The following CSMD1 variants were observed in gnomAD, a reference collection of about 807,000 sequenced individuals.
CSMD1 encodes the protein CUB and Sushi multiple domains 1, also known as CUB and sushi domain-containing protein 1.
A neutral mutation model predicts 417.5 loss-of-function variants in CSMD1; 213 were observed. That is an observed-to-expected ratio of 0.51 (90% CI 0.46 to 0.57). The LOEUF (loss-of-function observed/expected upper bound fraction) is 0.57, where lower values mean the gene tolerates loss of function less well. Among genes scored for constraint, CSMD1 ranks in the 20% least tolerant of loss-of-function variants. The pLI, the probability that CSMD1 is intolerant of heterozygous loss-of-function variation, is 0.00. For synonymous variants in CSMD1, 2,862 were observed against 1,736.8 expected (o/e 1.65, Z -16.11); for missense variants, 6,923 against 4,529.7 (o/e 1.53, Z -15.17).
chr8:3,374,923 T>A (rs1163539565), intron 18 of CSMD1, among the ~76,000 whole-genome samples: 2 of 152,126 alleles, frequency 1.3e-5, no homozygotes, highest in Non-Finnish European at 2.9e-5. Context: ...ACTCAGAAAT[T>A]GAATTCAACA....
chr8:3,406,140 G>A lies in CSMD1; in HGVS notation c.2153C>T (p.Ser718Leu), dbSNP rs752005533. The stretch of plus-strand genomic sequence containing the variant: ...GCCATCATCACAGTGGAAAGAAACC[G>A]AGCTCCCGAGTAGAAACCTGTCACC... ...RFGDRFLLGS[S>L]VSFHCDDGFV... The change falls in exon 15 of 70, where the codon TCG becomes TTG. Residue 718 changes from serine to leucine, a missense_variant. By Grantham distance (145) the Ser-to-Leu change is moderately radical. Coordinates refer to ENST00000635120, the MANE Select transcript of CSMD1 (RefSeq NM_033225.6). The A allele has an allele frequency of 3.7e-5, 59 of 1,613,606 alleles. No homozygotes were observed. The highest frequency in any genetic ancestry group is 1.6e-4 in the Middle Eastern group (1 of 6,084).
At chr8:4,920,978 G>GA (rs778057241) in intron 1 of CSMD1, among the ~76,000 whole-genome samples, 14 of 23,626 alleles carry the variant, frequency 5.9e-4, no homozygotes, top group Middle Eastern at 0.019. Context: ...AAGAAAGAAA[G>GA]AAACAAAGAA....
chr8:3,087,834 T>C (rs1814653559), intron 48 of CSMD1, among the ~76,000 whole-genome samples: 1 of 152,208 alleles, frequency 6.6e-6, no homozygotes, highest in African/African-American at 2.4e-5. Context: ...AGCACATCTG[T>C]CACCAGGATA....
At chr8:4,479,446 T>G (rs919977156) in intron 2 of CSMD1, among the ~76,000 whole-genome samples, 7 of 152,180 alleles carry the variant, frequency 4.6e-5, no homozygotes, top group Non-Finnish European at 1.0e-4. Context: ...AACAATATAT[T>G]TGGTGCAACT....
rs1490346336 is a variant in CSMD1, at chr8:3,014,474, C to G, written c.8029+4003G>C. 3.3e-5 allele frequency among the ~76,000 whole-genome samples: 5 copies of G among 152,118 alleles called. 1 individual carries two copies. Among genetic ancestry groups the G allele is most frequent in the Non-Finnish European group, 4.4e-5 (3 of 68,042 alleles). On this transcript the variant is annotated intron_variant, in intron 52 of 69. Transcript: ENST00000635120. ...GTTTCACTCTAGGATTCTTCCTTTC[C>G]ATAATATCTCACCAAGAACACTGCC...
At chr8:4,344,195 A>G (rs1800645956) in intron 3 of CSMD1, among the ~76,000 whole-genome samples, 1 of 152,096 alleles carries the variant, frequency 6.6e-6, no homozygotes, top group African/African-American at 2.4e-5. Flanking sequence ...TTTCTCTGTA[A>G]CCGTCTCCAT....
chr8:4,788,368 T>G lies in CSMD1; in HGVS notation c.86-150810A>C. 6 of 1,455,692 alleles carry G rather than the reference T, an allele frequency of 4.1e-6. No homozygotes were observed. In the South Asian group the frequency reaches 5.9e-5, roughly 14 times the overall value. 90.2% of individuals were successfully genotyped at this position (1,455,692 alleles called of 1,614,324 possible). ...TATCCAGTTATCACCTGTCCTCCCC[T>G]CACACCAGACTGGGGAGCTCAGGAT... On this transcript the variant is annotated intron_variant, in intron 1 of 69. Coordinates refer to ENST00000635120, the MANE Select transcript of CSMD1 (RefSeq NM_033225.6).
intron 3 of CSMD1, among the ~76,000 whole-genome samples, chr8:4,062,411 A>C (rs1017132610): frequency 4.6e-5 from 7 of 152,160 alleles, no homozygotes; most frequent in Admixed American, 3.9e-4. Flanking sequence ...AATCGGTTGT[A>C]CATACGTATT....
At chr8:3,159,292 A>C (rs910338870) in intron 38 of CSMD1, among the ~76,000 whole-genome samples, 1 of 152,178 alleles carries the variant, frequency 6.6e-6, no homozygotes, top group Admixed American at 6.5e-5. Context: ...TCTAGCTACA[A>C]GTTTTCTAAT....
chr8:4,083,157 A>G (rs1299167257), intron 3 of CSMD1, among the ~76,000 whole-genome samples: 1 of 152,068 alleles, frequency 6.6e-6, no homozygotes, highest in Admixed American at 6.6e-5. Context: ...GTCAAATGGT[A>G]TTTCTGGTTC....
chr8:4,254,507 A>T (rs1392347218), intron 3 of CSMD1, among the ~76,000 whole-genome samples: 8 of 152,168 alleles, frequency 5.3e-5, no homozygotes, highest in Non-Finnish European at 1.2e-4. Flanking sequence ...TTATACAAAT[A>T]AATTTCACGT....
At chr8:3,515,352 C>G (rs1257565100) in intron 10 of CSMD1, 1 of 152,180 alleles carries the variant, frequency 6.6e-6, no homozygotes, top group African/African-American at 2.4e-5. Context: ...CTACAGATCA[C>G]CACTGTGCAA....
intron 7 of CSMD1, among the ~76,000 whole-genome samples, chr8:3,644,966 G>GAAAAATAAAA (rs1797501761): frequency 1.5e-5 from 1 of 64,534 alleles, no homozygotes; most frequent in Admixed American, 1.8e-4. Context: ...GGCTTTAAAT[G>GAAAAATAAAA]AAAAAAAAAA....
chr8:3,833,927 A>G (rs1802516533), intron 5 of CSMD1, among the ~76,000 whole-genome samples: 1 of 152,116 alleles, frequency 6.6e-6, no homozygotes, highest in African/African-American at 2.4e-5. Context: ...AAATTTATGT[A>G]TTATTGGTTG....
intron 10 of CSMD1, among the ~76,000 whole-genome samples, chr8:3,498,640 A>G (rs1796465637): frequency 6.6e-6 from 1 of 152,122 alleles, no homozygotes; most frequent in Admixed American, 6.5e-5. Context: ...TAATGGGAAT[A>G]TTTGTCCCCT....
rs190332841 is a variant in CSMD1 at position 3,450,246 on chromosome 8, G to C, written c.1561+18466C>G. On this transcript the variant is annotated intron_variant, in intron 12 of 69. Transcript: ENST00000635120. ...CCAACTGACTTCATGGTCTTTCTCT[G>C]TCATGACCTAATCAGGAGTTTCAGA... is the stretch of plus-strand genomic sequence containing the variant. Among the ~76,000 whole-genome samples the C allele has an allele frequency of 2.0e-3, 305 of 152,160 alleles. 2 individuals are homozygous for C. Among genetic ancestry groups the C allele is most frequent in the African/African-American group, 7.2e-3 (300 of 41,512 alleles).
chr8:3,830,325 C>T (rs963949919), intron 5 of CSMD1, among the ~76,000 whole-genome samples: 1 of 152,188 alleles, frequency 6.6e-6, no homozygotes, highest in Non-Finnish European at 1.5e-5. Flanking sequence ...CTTCACTTGC[C>T]GAATGATTGG....
chr8:3,736,696 G>C (rs13266405), intron 6 of CSMD1, among the ~76,000 whole-genome samples: 1 of 151,978 alleles, frequency 6.6e-6, no homozygotes, highest in African/African-American at 2.4e-5. Flanking sequence ...AATGGAGCTG[G>C]GGATAAGGAC....
chr8:4,842,987 T>G (rs1325128028), intron 1 of CSMD1, among the ~76,000 whole-genome samples: 1 of 152,212 alleles, frequency 6.6e-6, no homozygotes, highest in Non-Finnish European at 1.5e-5. Context: ...CAGAGCTTGT[T>G]GAATAGTCAT....
Sources: gnomAD v4.1 joint callset for allele counts (sites outside exome capture counted in the v4.1 genomes callset) on GRCh38, gnomAD v4.1.1 for gene constraint, MANE v1.5 for transcripts, NCBI Gene and HGNC (gene_info 2026-07-23, HGNC 2026-07-21) for gene names.